RERE: variants seen among roughly 807,000 people sequenced by gnomAD.
RERE encodes arginine-glutamic acid dipeptide repeats protein.
A neutral mutation model predicts 146.1 loss-of-function variants in RERE; 40 were observed. The ratio of observed to expected loss-of-function variants is 0.27; its 90% CI spans 0.21 to 0.36. RERE has a LOEUF of 0.36. Ranked by LOEUF, RERE falls within the 10% of genes least tolerant of loss-of-function variation. The pLI is 1.00. For synonymous variants in RERE, 1,003 were observed against 866.0 expected (o/e 1.16, Z -2.78); for missense variants, 1,933 against 2,138.7 (o/e 0.90, Z 1.90).
chr1:8,729,000 T>C (rs910131888), intron 1 of RERE, among the ~76,000 whole-genome samples: 1 of 152,038 alleles, frequency 6.6e-6, no homozygotes, highest in African/African-American at 2.4e-5. Flanking sequence ...ACCCTGTCTC[T>C]ACTAAAAATA....
chr1:8,429,110 G>T (rs1368811012), intron 11 of RERE, among the ~76,000 whole-genome samples: 1 of 152,164 alleles, frequency 6.6e-6, no homozygotes, highest in Non-Finnish European at 1.5e-5. Context: ...GCGCTATAAC[G>T]TGCCAGCCAC....
chr1:8,758,231 C>A (rs1640684026), intron 1 of RERE, among the ~76,000 whole-genome samples: 1 of 151,732 alleles, frequency 6.6e-6, no homozygotes, highest in Non-Finnish European at 1.5e-5. Context: ...GATTACAGGC[C>A]TGCGCCACCA....
intron 12 of RERE, among the ~76,000 whole-genome samples, chr1:8,401,888 A>T (rs1441231490): frequency 2.0e-5 from 3 of 151,894 alleles, no homozygotes; most frequent in Non-Finnish European, 4.4e-5. Context: ...TTTTTTTGAG[A>T]CAGAGTCTTG....
intron 1 of RERE, among the ~76,000 whole-genome samples, chr1:8,740,337 T>C (rs548513519): frequency 1.1e-4 from 17 of 152,278 alleles, no homozygotes; most frequent in Non-Finnish European, 1.8e-4. Flanking sequence ...ACTTACCCCA[T>C]GAATGGAGCT....
chr1:8,769,992 G>T (rs1020555136), intron 1 of RERE, among the ~76,000 whole-genome samples: 1 of 152,078 alleles, frequency 6.6e-6, no homozygotes, highest in Admixed American at 6.6e-5. Flanking sequence ...GTTTCACCAT[G>T]TTGGCCAGAT....
chr1:8,651,693 G>T (rs1647638758), intron 2 of RERE, among the ~76,000 whole-genome samples: 1 of 150,566 alleles, frequency 6.6e-6, no homozygotes, highest in African/African-American at 2.4e-5. Flanking sequence ...ACCACTGACA[G>T]CCTGGATGAC....
intron 1 of RERE, among the ~76,000 whole-genome samples, chr1:8,749,021 T>A (rs879553171): frequency 4.6e-5 from 7 of 152,224 alleles, no homozygotes; most frequent in Admixed American, 4.6e-4. Context: ...TGTCAGGTAC[T>A]GTTTTACTTG....
chr1:8,734,082 A>G (rs1640147529), intron 1 of RERE, among the ~76,000 whole-genome samples: 1 of 152,226 alleles, frequency 6.6e-6, no homozygotes, highest in Admixed American at 6.5e-5. Flanking sequence ...ACTCCAGTCT[A>G]GGCAAAAAGG....
chr1:8,562,074 A>G (rs550791863), intron 4 of RERE, among the ~76,000 whole-genome samples: 1 of 152,328 alleles, frequency 6.6e-6, no homozygotes, highest in South Asian at 2.1e-4. Flanking sequence ...TAAATAAATT[A>G]ATATAAAGCA....
intron 1 of RERE, among the ~76,000 whole-genome samples, chr1:8,802,282 G>A (rs970854704): frequency 1.3e-5 from 2 of 152,134 alleles, no homozygotes; most frequent in African/African-American, 4.8e-5. Context: ...TTACTATGTG[G>A]TCTGAACAGC....
At chr1:8,466,055 G>GCACCAAATAACAGACAGGACACAAT in intron 10 of RERE, 32 bp from the exon 11 acceptor site, 1 of 1,550,138 alleles carries the variant, frequency 6.5e-7, no homozygotes, top group Non-Finnish European at 8.9e-7. Flanking sequence ...TTAGCTAACT[G>GCACCAAATAACAGACAGGACACAAT]CACCAAATAA....
chr1:8,645,348 C>T (rs1005818859), intron 2 of RERE, among the ~76,000 whole-genome samples: 3 of 152,164 alleles, frequency 2.0e-5, no homozygotes, highest in Non-Finnish European at 2.9e-5. Context: ...AAATCTCAAG[C>T]CATGAAATCA....
intron 2 of RERE, among the ~76,000 whole-genome samples, chr1:8,637,370 A>C (rs1647114553): frequency 6.6e-6 from 1 of 152,118 alleles, no homozygotes; most frequent in East Asian, 1.9e-4. Flanking sequence ...GGCACTACTC[A>C]GTCTCCCCTC....
chr1:8,442,527 G>A (rs899350863), intron 11 of RERE, among the ~76,000 whole-genome samples: 4 of 151,956 alleles, frequency 2.6e-5, no homozygotes, highest in Admixed American at 6.6e-5. Context: ...CCACACAGAC[G>A]CCAGCACCGT....
At position 8,361,198 on chromosome 1, in the gene RERE, G is replaced by A; in HGVS notation, c.2309C>T (p.Ala770Val). 2 of 1,488,122 alleles carry A rather than the reference G, an allele frequency of 1.3e-6. No homozygotes were observed. The highest frequency in any genetic ancestry group is 1.9e-4 in the Middle Eastern group (1 of 5,220). The allele number at this position is 1,488,122 out of a possible 1,614,324, so 92.2% of individuals were successfully genotyped here. A position where few individuals can be genotyped will look rare whatever the true frequency, so the allele number is the denominator to read the frequency against. The change falls in exon 18 of 23, where the codon GCC becomes GTC. Residue 770 changes from alanine (A) to valine (V), a missense_variant. Coordinates refer to ENST00000400908, the MANE Select transcript of RERE (RefSeq NM_001042681.2). ...GGAGCCCTGTGGGGGAACTGCAGTG[G>A]CAGAGGGCGTGGGCCCTGGCGTGGG... ...QLPTPGPTPS[A>V]TAVPPQGSPT... is the part of the protein sequence containing the mutation.
At chr1:8,515,038 C>G (rs1298250271) in intron 7 of RERE, among the ~76,000 whole-genome samples, 5 of 152,142 alleles carry the variant, frequency 3.3e-5, no homozygotes, top group Non-Finnish European at 7.3e-5. Flanking sequence ...GTTAGTATTG[C>G]TATTCACAGA....
chr1:8,692,639 G>A (rs1055061741), intron 1 of RERE, among the ~76,000 whole-genome samples: 7 of 152,048 alleles, frequency 4.6e-5, no homozygotes, highest in East Asian at 1.9e-4. Context: ...ATGAGCCACC[G>A]TATTCGGCCC....
intron 12 of RERE, among the ~76,000 whole-genome samples, chr1:8,366,916 C>CTAAAAAAAAAAAA (rs1641823097): frequency 1.9e-5 from 2 of 107,684 alleles, no homozygotes; most frequent in Non-Finnish European, 3.7e-5. Flanking sequence ...AAAAAAAAAA[C>CTAAAAAAAAAAAA]AAAAAAAAAA....
chr1:8,771,132 G>T (rs76609368), intron 1 of RERE, among the ~76,000 whole-genome samples: 3 of 151,954 alleles, frequency 2.0e-5, no homozygotes, highest in Non-Finnish European at 2.9e-5. Context: ...CTGCTGGGGG[G>T]GGAAAATGTA....
Sources: gnomAD v4.1 joint callset for allele counts (sites outside exome capture counted in the v4.1 genomes callset) on GRCh38, gnomAD v4.1.1 for gene constraint, MANE v1.5 for transcripts, NCBI Gene and HGNC (gene_info 2026-07-23, HGNC 2026-07-21) for gene names.